Variants in BDNF observed in about 807,000 individuals in gnomAD.
The protein encoded by BDNF is neurotrophic factor BDNF precursor form.
In BDNF, 1 loss-of-function variant was observed where a neutral mutation model predicts 19.5. That is an observed-to-expected ratio of 0.05 (90% CI 0.02 to 0.24). The LOEUF is 0.24. Ranked by LOEUF, BDNF falls within the 10% of genes least tolerant of loss-of-function variation. The pLI, the probability that BDNF is intolerant of heterozygous loss-of-function variation, is 1.00. For synonymous variants in BDNF, 100 were observed against 121.6 expected (o/e 0.82, Z 1.17); for missense variants, 195 against 317.6 (o/e 0.61, Z 2.93).
intron 1 of BDNF, among the ~76,000 whole-genome samples, chr11:27,684,170 G>A (rs962015202): frequency 6.6e-6 from 1 of 152,092 alleles, no homozygotes; most frequent in African/African-American, 2.4e-5. Context: ...TGTAGCAATT[G>A]TGAATGGGAG....
intron 1 of BDNF, among the ~76,000 whole-genome samples, chr11:27,683,256 G>GT (rs985289114): frequency 2.7e-5 from 4 of 150,424 alleles, no homozygotes; most frequent in Non-Finnish European, 6.0e-5. Context: ...TGATGGGGTT[G>GT]TTTTTTTTCT....
chr11:27,674,141 TGC>T (rs1432339857), intron 1 of BDNF: 1 of 1,611,560 alleles, frequency 6.2e-7, no homozygotes, highest in African/African-American at 1.3e-5. Flanking sequence ...TCTTCTGGGA[TGC>T]ACAGTCATGC....
chr11:27,716,456 G>GACACACACAC (rs61227267), intron 1 of BDNF, among the ~76,000 whole-genome samples: 23,191 of 146,774 alleles, frequency 0.16, 2,454 homozygotes, highest in East Asian at 0.41. Context: ...CACACACACA[G>GACACACACAC]ACACACACAC....
chr11:27,657,129 C>G lies in BDNF; in HGVS notation c.*692G>C. ...TTTATTCACTTTCTAGTCATCTGAT[C>G]GATATTGCAAACATCTTCACAACAT... On this transcript the variant is annotated 3_prime_UTR_variant, in exon 2 of 2. Coordinates refer to ENST00000356660, the MANE Select transcript of BDNF (RefSeq NM_001709.5). This position sits in a 1 kb window ranked among gnomAD's most constrained non-coding sequence, Gnocchi z 5.0. 1 of 983,584 alleles carries G rather than the reference C, an allele frequency of 1.0e-6. No homozygotes were observed. The allele number at this position is 983,584 out of a possible 1,614,324, so 60.9% of individuals were successfully genotyped here.
intron 1 of BDNF, among the ~76,000 whole-genome samples, chr11:27,680,111 AATAG>A (rs1461261030): frequency 6.6e-6 from 1 of 152,180 alleles, no homozygotes; most frequent in Non-Finnish European, 1.5e-5. Flanking sequence ...TTTTTCAAAT[AATAG>A]ATATTCTCTG....
intron 1 of BDNF, chr11:27,719,536 G>T (rs1470872674): frequency 8.1e-6 from 8 of 985,358 alleles, no homozygotes; most frequent in Non-Finnish European, 9.6e-6. Context: ...CATCCGGCCC[G>T]GCTGGGGAGC....
At chr11:27,714,744 A>G (rs892157876) in intron 1 of BDNF, among the ~76,000 whole-genome samples, 2 of 152,152 alleles carry the variant, frequency 1.3e-5, no homozygotes, top group Non-Finnish European at 2.9e-5. Flanking sequence ...ATAGTTATAG[A>G]CTATATCTTT....
At chr11:27,665,795 G>T (rs1044759468) in intron 1 of BDNF, among the ~76,000 whole-genome samples, 1 of 152,176 alleles carries the variant, frequency 6.6e-6, no homozygotes, top group East Asian at 1.9e-4. Context: ...GGAGCCCACC[G>T]CAGCTCAAGG....
At position 27,658,695 on chromosome 11, in the gene BDNF, T is replaced by C. The variant is rs1852905622; in HGVS notation, c.-21-110A>G. ...TCCAGGCCATTCTGCAGGGTCAAGG[T>C]TTTTTTATGTCTTGGTGATAAACTC... On this transcript the variant is annotated intron_variant, in intron 1 of 1. Transcript: ENST00000356660. This position sits in a 1 kb window ranked among gnomAD's most constrained non-coding sequence, Gnocchi z 5.7. 6.3e-7 allele frequency: 1 copy of C among 1,592,852 alleles called. No individual in the cohort carries two copies. Among genetic ancestry groups the C allele is most frequent in the African/African-American group, 1.3e-5 (1 of 74,356 alleles).
chr11:27,659,481 AT>A (rs1853050611), intron 1 of BDNF: 1 of 1,000,228 alleles, frequency 1.0e-6, no homozygotes, highest in Admixed American at 6.1e-5. Flanking sequence ...TTAAAAAGAC[AT>A]TTAAGTCCAT....
chr11:27,686,777 G>C (rs1857546335), intron 1 of BDNF, among the ~76,000 whole-genome samples: 1 of 152,194 alleles, frequency 6.6e-6, no homozygotes, highest in Non-Finnish European at 1.5e-5. Flanking sequence ...GAGATCCACT[G>C]TTAGTCTGAT....
At chr11:27,659,321 C>G (rs1853017887) in intron 1 of BDNF, 2 of 1,000,080 alleles carry the variant, frequency 2.0e-6, no homozygotes, top group Non-Finnish European at 2.4e-6. Flanking sequence ...GTTCTTTATT[C>G]TACACCTGGG....
intron 1 of BDNF, among the ~76,000 whole-genome samples, chr11:27,715,365 C>T (rs1860472576): frequency 6.6e-6 from 1 of 152,122 alleles, no homozygotes; most frequent in Non-Finnish European, 1.5e-5. Context: ...TCCCAGAACC[C>T]AGATTCTATG....
intron 1 of BDNF, chr11:27,659,540 C>T (rs1025869032): frequency 1.0e-6 from 1 of 1,000,228 alleles, no homozygotes; most frequent in Non-Finnish European, 1.2e-6. Context: ...CTCCAGTTCT[C>T]TAAAACCCTT....
At chr11:27,675,876 T>G (rs1222807465) in intron 1 of BDNF, 1 of 151,062 alleles carries the variant, frequency 6.6e-6, no homozygotes, top group East Asian at 2.0e-4. Flanking sequence ...ATGGAATGGG[T>G]TCTCTCACAC....
chr11:27,662,638 G>C (rs1293876823), intron 1 of BDNF, among the ~76,000 whole-genome samples: 2 of 152,208 alleles, frequency 1.3e-5, no homozygotes, highest in Non-Finnish European at 2.9e-5. Flanking sequence ...ATTATCATAA[G>C]GAATTGGATT....
intron 1 of BDNF, among the ~76,000 whole-genome samples, chr11:27,666,582 A>G (rs1854378184): frequency 6.6e-6 from 1 of 152,228 alleles, no homozygotes; most frequent in African/African-American, 2.4e-5. Context: ...AAGACCTTAA[A>G]TGACCTGATG....
intron 1 of BDNF, among the ~76,000 whole-genome samples, chr11:27,709,272 A>C (rs1467785464): frequency 6.6e-6 from 1 of 152,182 alleles, no homozygotes; most frequent in Non-Finnish European, 1.5e-5. Context: ...AAAAGAACCA[A>C]ATGAAGTAAC....
rs746631679 is a variant in BDNF, at chr11:27,658,306, C to T, written c.259G>A (p.Ala87Thr). ...VRPNEENNKD[A>T]DLYTSRVMLS... Reference sequence around the variant, plus strand: ...ATCACCCTGGACGTGTACAAGTCTGCGTCCTTATTGTTTTCTTCATTGGGC... The same window carrying T: ...ATCACCCTGGACGTGTACAAGTCTGTGTCCTTATTGTTTTCTTCATTGGGC... The change falls in exon 2 of 2, where the codon GCA becomes ACA. Residue 87 changes from alanine to threonine, a missense_variant. By Grantham distance (58) the Ala-to-Thr change is moderately conservative (BLOSUM62 0). Around this residue, in one of 2 missense-constraint regions of BDNF, gnomAD observed 124 missense variants for 155.0 expected, o/e 0.80. Coordinates refer to ENST00000356660, the MANE Select transcript of BDNF (RefSeq NM_001709.5). The surrounding 1 kb of genome is among the most constrained non-coding windows in gnomAD (Gnocchi z 5.7). 2.5e-6 allele frequency: 4 copies of T among 1,613,990 alleles called. No individual in the cohort carries two copies. The highest frequency in any genetic ancestry group is 1.7e-5 in the Admixed American group (1 of 59,994).
Sources: gnomAD v4.1 joint callset for allele counts (sites outside exome capture counted in the v4.1 genomes callset) on GRCh38, gnomAD v4.1.1 for gene constraint, gnomAD v4.1.1 regional missense constraint, Gnocchi (gnomAD v3.1) non-coding constraint, MANE v1.5 for transcripts, NCBI Gene and HGNC (gene_info 2026-07-23, HGNC 2026-07-21) for gene names.